Variants in BPTF observed in about 807,000 individuals in gnomAD.
The protein encoded by BPTF is bromodomain PHD finger transcription factor, also known as nucleosome-remodeling factor subunit BPTF.
Under a neutral mutation model 292.5 loss-of-function variants are expected in BPTF, and 18 were observed. The ratio of observed to expected loss-of-function variants is 0.06; its 90% confidence interval spans 0.04 to 0.09. The LOEUF is 0.09. Among genes scored for constraint, BPTF ranks in the 10% least tolerant of loss-of-function variants. The pLI, the probability that BPTF is intolerant of heterozygous loss-of-function variation, is 1.00. For missense variants in BPTF, 2,726 were observed against 3,498.7 expected (o/e 0.78, Z 5.57); for synonymous variants, 1,225 against 1,251.9 (o/e 0.98, Z 0.45).
chr17:67,909,087 G>A (rs1265434759), intron 9 of BPTF, among the ~76,000 whole-genome samples: 6 of 151,594 alleles, frequency 4.0e-5, no homozygotes, highest in African/African-American at 1.2e-4. Context: ...CACCCACCTC[G>A]GCCCCTCAAA....
chr17:67,929,606 C>G, intron 17 of BPTF, 119 bp downstream of exon 17: 2 of 1,214,710 alleles, frequency 1.6e-6, no homozygotes, highest in Non-Finnish European at 2.3e-6. Flanking sequence ...GAATCTGTGA[C>G]AGAGTACTGA....
Position 67,964,173 on chromosome 17 carries a change from A to C in BPTF, c.8262-39A>C, listed in dbSNP as rs567158518. 149 of 1,581,288 alleles carry C rather than the reference A, an allele frequency of 9.4e-5. 2 individuals are homozygous for C. The South Asian group carries it at 1.6e-3, about 17-fold the overall frequency. On this transcript the variant is annotated intron_variant, in intron 24 of 27. Transcript: ENST00000306378. ...GCTTTATTATAAGTAACATCATCCC[A>C]TGTGTTTTGAACTCACATTTCCATT...
chr17:67,960,573 G>A (rs2067383122), intron 24 of BPTF, among the ~76,000 whole-genome samples: 1 of 151,954 alleles, frequency 6.6e-6, no homozygotes, highest in African/African-American at 2.4e-5. Flanking sequence ...TCATTTTTTT[G>A]GTCATTACTA....
chr17:67,862,426 T>A, intron 2 of BPTF, among the ~76,000 whole-genome samples: 1 of 152,180 alleles, frequency 6.6e-6, no homozygotes, highest in East Asian at 1.9e-4. Flanking sequence ...TCTTCCAGGA[T>A]ATGTACCGTC....
intron 11 of BPTF, among the ~76,000 whole-genome samples, chr17:67,916,253 C>G (rs538365630): frequency 1.3e-5 from 2 of 152,188 alleles, no homozygotes; most frequent in Non-Finnish European, 2.9e-5. Flanking sequence ...AACTTTTTGG[C>G]TAGAGCTTTC....
chr17:67,901,611 G>A (rs764881405), intron 7 of BPTF, among the ~76,000 whole-genome samples: 5 of 152,146 alleles, frequency 3.3e-5, no homozygotes, highest in Non-Finnish European at 7.3e-5. Flanking sequence ...CAAAGGATTT[G>A]AATAGGCATT....
intron 24 of BPTF, chr17:67,960,084 G>C (rs2148307648): frequency 2.2e-6 from 1 of 461,470 alleles, no homozygotes; most frequent in South Asian, 4.0e-5. Flanking sequence ...ATTGTCCTTT[G>C]TTATATTCTT....
rs2062658829 is a variant in BPTF at position 67,911,600 on chromosome 17, A to G, written c.3716A>G (p.Gln1239Arg). ...TGTAAGAACAAAAAACCGCTCATAC[A>G]GGAGGAAAGTGACACCATTGTTTCT... ...LICKNKKPLI[Q>R]EESDTIVSSS... Residue 1239 changes from glutamine (Q) to arginine (R), a missense_variant, in exon 11 of 28, where the codon CAG (glutamine) becomes CGG (arginine). Physicochemically the swap from Gln to Arg is conservative, Grantham distance 43 (BLOSUM62 1). Around this residue, in one of 22 missense-constraint regions of BPTF, gnomAD observed 713 missense variants for 714.9 expected, o/e 1.00. Transcript: ENST00000306378. The G allele has an allele frequency of 6.2e-7, 1 of 1,614,074 alleles. No individual in the cohort carries two copies. Among genetic ancestry groups the G allele is most frequent in the Non-Finnish European group, 8.5e-7 (1 of 1,180,048 alleles).
Position 67,912,895 on chromosome 17 carries a change from A to T in BPTF, c.5011A>T (p.Thr1671Ser), listed in dbSNP as rs931461022. 10 of 1,614,104 alleles carry T rather than the reference A, an allele frequency of 6.2e-6. No individual in the cohort carries two copies. Among genetic ancestry groups the T allele is most frequent in the Non-Finnish European group, 8.5e-6 (10 of 1,180,042 alleles). The change falls in exon 11 of 28, where the codon ACA (threonine) becomes TCA (serine). Residue 1671 changes from threonine (T) to serine (S), a missense_variant. Physicochemically the swap from Thr to Ser is moderately conservative, Grantham distance 58 (BLOSUM62 1). Around this residue, in one of 22 missense-constraint regions of BPTF, gnomAD observed 144 missense variants for 177.2 expected, o/e 0.81. Transcript: ENST00000306378. The stretch of plus-strand genomic sequence containing the variant: ...AGACTCCCTGACCACCACGGGAGGC[A>T]CACTGGTTACATCTATGACTGTGAG... The part of the protein sequence containing the change: ...VTDSLTTTGG[T>S]LVTSMTVSKE...
chr17:67,851,181 C>T (rs1281495057), intron 1 of BPTF, among the ~76,000 whole-genome samples: 3 of 151,706 alleles, frequency 2.0e-5, no homozygotes, highest in Non-Finnish European at 4.4e-5. Flanking sequence ...CTTTTTGTAA[C>T]GAGTTGTTTG....
chr17:67,905,341 G>C (rs142509775), intron 9 of BPTF, among the ~76,000 whole-genome samples: 7,319 of 151,990 alleles, frequency 0.048, 226 homozygotes, highest in South Asian at 0.13. Context: ...CCAGGAGGCA[G>C]AGGTTGCAGT....
At chr17:67,952,100 T>C (rs2066427499) in intron 23 of BPTF, among the ~76,000 whole-genome samples, 1 of 151,316 alleles carries the variant, frequency 6.6e-6, no homozygotes. Context: ...TAATTTGCTT[T>C]GAGTTTGAGA....
intron 11 of BPTF, 43 bp from the exon 12 acceptor site, chr17:67,918,671 T>C: frequency 6.4e-7 from 1 of 1,557,174 alleles, no homozygotes; most frequent in Admixed American, 1.7e-5. Context: ...TGTGTATGTA[T>C]ATACATATAG....
chr17:67,905,506 A>G (rs2062121388), intron 9 of BPTF, among the ~76,000 whole-genome samples: 1 of 152,134 alleles, frequency 6.6e-6, no homozygotes, highest in Non-Finnish European at 1.5e-5. Flanking sequence ...CAGGAGTTCA[A>G]GGCCAGCCTG....
chr17:67,909,812 G>T, intron 10 of BPTF, 51 bp downstream of exon 10: 1 of 1,400,416 alleles, frequency 7.1e-7, no homozygotes, highest in Non-Finnish European at 9.4e-7. Context: ...AGAATGCACT[G>T]GATCAGGGTC....
intron 9 of BPTF, among the ~76,000 whole-genome samples, chr17:67,906,065 G>T (rs1284192720): frequency 2.0e-5 from 3 of 151,414 alleles, no homozygotes; most frequent in Non-Finnish European, 4.4e-5. Context: ...AAATAATGAG[G>T]TTTTTTTTGG....
intron 19 of BPTF, among the ~76,000 whole-genome samples, chr17:67,943,595 T>A (rs1274597107): frequency 3.3e-5 from 5 of 152,286 alleles, no homozygotes; most frequent in Non-Finnish European, 5.9e-5. Flanking sequence ...CATAGGTAAT[T>A]TGGCACGTAT....
rs2055932663 is a variant in BPTF at position 67,825,784 on chromosome 17, C to G, written c.60C>G (p.Cys20Trp). 14 of 1,039,278 alleles carry G rather than the reference C, an allele frequency of 1.3e-5. No homozygotes were observed. The allele number at this position is 1,039,278 out of a possible 1,614,324, so 64.4% of individuals were successfully genotyped here. The change falls in exon 1 of 28, where the codon TGC becomes TGG. Residue 20 changes from cysteine (C) to tryptophan (W), a missense_variant. Cys to Trp is a radical substitution (Grantham distance 215, BLOSUM62 -2). Around this residue, in one of 22 missense-constraint regions of BPTF, gnomAD observed 31 missense variants for 53.6 expected, o/e 0.58. Transcript: ENST00000306378. ...CCGCGGCTCCCGCTGCGGAGCGCTG[C>G]GCCCCGGCCCCGCCGCCACCGCCGC... ...KQPAAPAAERCAPAPPPPPPP... is the reference protein window; with the variant it reads ...KQPAAPAAERWAPAPPPPPPP...
Position 67,929,323 on chromosome 17 carries a change from A to G in BPTF, c.5999-13A>G, listed in dbSNP as rs763381003. 6.2e-7 allele frequency: 1 copy of G among 1,612,764 alleles called. No homozygotes were observed. The highest frequency in any genetic ancestry group is 1.1e-5 in the South Asian group (1 of 90,810). ...AGTGATAGTTTTTAATTATGGCTTC[A>G]TCTTTTTTTAAGGCGTTGTTCAAGT... On this transcript the variant is annotated splice_polypyrimidine_tract_variant and intron_variant, in intron 16 of 27. Coordinates refer to ENST00000306378, the MANE Select transcript of BPTF (RefSeq NM_182641.4).
Sources: gnomAD v4.1 joint callset for allele counts (sites outside exome capture counted in the v4.1 genomes callset) on GRCh38, gnomAD v4.1.1 for gene constraint, gnomAD v4.1.1 regional missense constraint, MANE v1.5 for transcripts, NCBI Gene and HGNC (gene_info 2026-07-23, HGNC 2026-07-21) for gene names.